The following CFAP54 variants were observed in gnomAD, a reference collection of about 807,000 sequenced individuals.
CFAP54 encodes the protein cilia- and flagella-associated protein 54.
In CFAP54, 290 loss-of-function variants were observed where a neutral mutation model predicts 370.4. That is an observed-to-expected ratio of 0.78 (90% CI 0.71 to 0.86). CFAP54 has a LOEUF of 0.86. CFAP54 is among the 40% of genes least tolerant of loss of function. The pLI is 0.00. For missense variants in CFAP54, 3,399 were observed against 3,528.7 expected (o/e 0.96, Z 0.93); for synonymous variants, 1,206 against 1,236.5 (o/e 0.98, Z 0.52).
chr12:96,578,827 T>C (rs1358142346), intron 20 of CFAP54, among the ~76,000 whole-genome samples: 2 of 152,204 alleles, frequency 1.3e-5, no homozygotes, highest in African/African-American at 4.8e-5. Flanking sequence ...AAATCTACTT[T>C]TGTAGTTGAA....
intron 13 of CFAP54, among the ~76,000 whole-genome samples, chr12:96,539,218 G>A (rs990434213): frequency 4.0e-5 from 6 of 151,058 alleles, no homozygotes; most frequent in South Asian, 2.1e-4. Flanking sequence ...CCACCACCAC[G>A]GCCGGCTAAT....
intron 1 of CFAP54, among the ~76,000 whole-genome samples, chr12:96,492,525 G>T (rs1373934917): frequency 6.6e-6 from 1 of 152,142 alleles, no homozygotes; most frequent in Non-Finnish European, 1.5e-5. Context: ...TTCACTCATA[G>T]GTTTATATTT....
At chr12:96,708,191 C>T (rs1957565681) in intron 47 of CFAP54, among the ~76,000 whole-genome samples, 1 of 152,100 alleles carries the variant, frequency 6.6e-6, no homozygotes, top group South Asian at 2.1e-4. Context: ...GGACTCTAAG[C>T]TGGGTAGGGA....
At chr12:96,493,663 T>C (rs1425017497) in intron 1 of CFAP54, among the ~76,000 whole-genome samples, 1 of 151,954 alleles carries the variant, frequency 6.6e-6, no homozygotes, top group African/African-American at 2.4e-5. Flanking sequence ...TCGGGCGTGG[T>C]GGTGGGCGCC....
chr12:96,721,255 GT>G (rs1957749771), intron 50 of CFAP54, among the ~76,000 whole-genome samples: 1 of 152,126 alleles, frequency 6.6e-6, no homozygotes, highest in Non-Finnish European at 1.5e-5. Context: ...GAAAAAGTAA[GT>G]TTCTGCATCA....
At position 96,549,894 on chromosome 12, in the gene CFAP54, C is replaced by T. The variant is rs541980260; in HGVS notation, c.2154+1916C>T. 1.7e-4 allele frequency among the ~76,000 whole-genome samples: 26 copies of T among 152,154 alleles called. 1 individual carries two copies. The highest frequency in any genetic ancestry group is 4.3e-4 in the African/African-American group (18 of 41,494). Reference sequence around the variant, plus strand: ...ATGACGGTTTATTGTAAGGAGAATTCGCAATTCATAAGTTCACCCAGCAGA... The same window carrying T: ...ATGACGGTTTATTGTAAGGAGAATTTGCAATTCATAAGTTCACCCAGCAGA... On this transcript the variant is annotated intron_variant, in intron 15 of 67. Transcript: ENST00000524981.
At chr12:96,846,546 G>A (rs1465350040) in intron 66 of CFAP54, among the ~76,000 whole-genome samples, 2 of 152,154 alleles carry the variant, frequency 1.3e-5, no homozygotes, top group African/African-American at 4.8e-5. Context: ...TCTAGGCCTT[G>A]GAGTCTTGAG....
intron 11 of CFAP54, among the ~76,000 whole-genome samples, 161 bp downstream of exon 11, chr12:96,534,388 G>A (rs77535885): frequency 6.6e-6 from 1 of 152,204 alleles, no homozygotes; most frequent in Non-Finnish European, 1.5e-5. Context: ...GGGGGTATGT[G>A]TGACCAAGTG....
intron 9 of CFAP54, among the ~76,000 whole-genome samples, chr12:96,531,700 A>T (rs1370977445): frequency 6.6e-6 from 1 of 152,010 alleles, no homozygotes; most frequent in Non-Finnish European, 1.5e-5. Flanking sequence ...TATTTGTTTC[A>T]ACAATGATAT....
At chr12:96,699,057 G>A (rs190252460) in intron 45 of CFAP54, among the ~76,000 whole-genome samples, 17 of 152,234 alleles carry the variant, frequency 1.1e-4, no homozygotes, top group Middle Eastern at 6.8e-3. Flanking sequence ...GTTGCAGAAA[G>A]CAGCCAACCA....
intron 60 of CFAP54, among the ~76,000 whole-genome samples, chr12:96,765,594 G>C: frequency 6.6e-6 from 1 of 152,010 alleles, no homozygotes; most frequent in East Asian, 1.9e-4. Flanking sequence ...TTTCCTTAGT[G>C]ATTTTATATT....
At chr12:96,843,782 A>G (rs1959257970) in intron 66 of CFAP54, among the ~76,000 whole-genome samples, 1 of 152,186 alleles carries the variant, frequency 6.6e-6, no homozygotes, top group Non-Finnish European at 1.5e-5. Context: ...ATTCATAAAT[A>G]CATAAATTCC....
chr12:96,818,909 A>T (rs530097664), intron 65 of CFAP54, among the ~76,000 whole-genome samples: 1 of 152,350 alleles, frequency 6.6e-6, no homozygotes, highest in South Asian at 2.1e-4. Context: ...GGAAATGAGA[A>T]GGGTAGGGAA....
intron 40 of CFAP54, chr12:96,682,125 A>T (rs1436331558): frequency 1.5e-5 from 14 of 952,096 alleles, no homozygotes; most frequent in African/African-American, 3.5e-5. Context: ...TATTATTATT[A>T]TTTTTCATGA....
In CFAP54 at chr12:96,679,412, C is replaced by T. The variant is rs117311639; in HGVS notation, c.5564-188C>T. Among the ~76,000 whole-genome samples the T allele has an allele frequency of 5.7e-3, 851 of 149,148 alleles. 4 individuals carry two copies. Among genetic ancestry groups the T allele is most frequent in the Middle Eastern group, 0.01 (3 of 290 alleles). ...CAAGCTTTTTTTTTTTTTAAAAGGA[C>T]CTTCTGGTATACTAAAAGAAAAAAA... On this transcript the variant is annotated intron_variant, in intron 39 of 67. Transcript: ENST00000524981.
chr12:96,582,157 A>C (rs999316013), intron 22 of CFAP54, among the ~76,000 whole-genome samples: 1 of 152,192 alleles, frequency 6.6e-6, no homozygotes, highest in African/African-American at 2.4e-5. Context: ...AGGTATTATG[A>C]GTATTAAATG....
chr12:96,797,544 A>G (rs34615901), intron 63 of CFAP54, among the ~76,000 whole-genome samples: 2,599 of 152,170 alleles, frequency 0.017, 43 homozygotes, highest in Non-Finnish European at 0.027. Flanking sequence ...CTGTTATATC[A>G]TCTTGGTGAA....
At chr12:96,769,356 C>T (rs1158122035) in intron 60 of CFAP54, among the ~76,000 whole-genome samples, 2 of 152,168 alleles carry the variant, frequency 1.3e-5, no homozygotes, top group African/African-American at 4.8e-5. Context: ...GCCTGTCTTG[C>T]TAAAAAGTGA....
At chr12:96,516,351 T>G (rs1955235695) in intron 5 of CFAP54, among the ~76,000 whole-genome samples, 1 of 140,098 alleles carries the variant, frequency 7.1e-6, no homozygotes. Flanking sequence ...TGCATGTCTG[T>G]TGACTAAATA....
Sources: gnomAD v4.1 joint callset for allele counts (sites outside exome capture counted in the v4.1 genomes callset) on GRCh38, gnomAD v4.1.1 for gene constraint, MANE v1.5 for transcripts, NCBI Gene and HGNC (gene_info 2026-07-23, HGNC 2026-07-21) for gene names.